Variants in GRAMD1B observed in about 807,000 individuals in gnomAD.
The protein encoded by GRAMD1B is protein Aster-B.
Under a neutral mutation model 99.7 loss-of-function variants are expected in GRAMD1B, and 37 were observed. That is an observed-to-expected ratio of 0.37 (90% CI 0.29 to 0.49). GRAMD1B has a LOEUF of 0.49. Ranked by LOEUF, GRAMD1B falls within the 20% of genes least tolerant of loss-of-function variation. The pLI is 0.98. For missense variants in GRAMD1B, 888 were observed against 1,009.2 expected, an observed-to-expected ratio of 0.88 and a Z score of 1.63; for synonymous variants, 427 against 387.6, an observed-to-expected ratio of 1.10 and a Z score of -1.19.
At chr11:123,528,664 CTG>C (rs1324191260) in intron 2 of GRAMD1B, among the ~76,000 whole-genome samples, 1 of 152,094 alleles carries the variant, frequency 6.6e-6, no homozygotes, top group Non-Finnish European at 1.5e-5. Flanking sequence ...AATTTCCGCT[CTG>C]TGTAATGCCG....
rs148302328 is a variant in GRAMD1B, at chr11:123,571,809, C to T, written c.453-5558C>T. ...CCTTTTCACCCTTGTTCATGCTGTCCGCCACCCCGAACATTCTCTTCTCTC... is the reference window on the plus strand; with the variant it reads ...CCTTTTCACCCTTGTTCATGCTGTCTGCCACCCCGAACATTCTCTTCTCTC... On this transcript the variant is annotated intron_variant, in intron 2 of 19. Transcript: ENST00000635736. Among the ~76,000 whole-genome samples the T allele has an allele frequency of 2.7e-3, 415 of 152,166 alleles. 1 individual carries two copies. Among genetic ancestry groups the T allele is most frequent in the African/African-American group, 8.1e-3 (338 of 41,522 alleles).
intron 2 of GRAMD1B, among the ~76,000 whole-genome samples, chr11:123,534,596 C>T (rs1402039764): frequency 6.6e-6 from 1 of 152,124 alleles, no homozygotes. Flanking sequence ...GGCGCAGTGG[C>T]TCATGCTTGT....
chr11:123,583,144 T>TA (rs1361662881), intron 3 of GRAMD1B, among the ~76,000 whole-genome samples: 4 of 151,798 alleles, frequency 2.6e-5, no homozygotes, highest in Non-Finnish European at 5.9e-5. Flanking sequence ...TGTGCACATG[T>TA]ATTTGTGCAT....
chr11:123,433,296 T>G (rs539161392), intron 1 of GRAMD1B, among the ~76,000 whole-genome samples: 91 of 152,238 alleles, frequency 6.0e-4, no homozygotes, highest in Middle Eastern at 3.4e-3. Context: ...GAGAATTGCT[T>G]GAACCCGGGA....
intron 2 of GRAMD1B, among the ~76,000 whole-genome samples, chr11:123,495,114 T>TACACACACACACACACACACACAC (rs10695354): frequency 6.7e-6 from 1 of 148,550 alleles, no homozygotes; most frequent in African/African-American, 2.5e-5. Flanking sequence ...TATATATACA[T>TACACACACACACACACACACACAC]ACACACACAC....
intron 8 of GRAMD1B, among the ~76,000 whole-genome samples, chr11:123,602,176 AG>A (rs1354942535): frequency 6.6e-6 from 1 of 152,186 alleles, no homozygotes; most frequent in Non-Finnish European, 1.5e-5. Context: ...GCCTAGAGTC[AG>A]GGCCCCAAAT....
In GRAMD1B at chr11:123,431,184, C is replaced by G. The variant is rs911412273; in HGVS notation, c.374+18C>G. On this transcript the variant is annotated intron_variant, in intron 1 of 19. Transcript: ENST00000635736. ...GAAAGCAGGTACGTCCCCGTTCCGC[C>G]CGTCTCCTTCCCTTCCCTCCCGTCC... The G allele has an allele frequency of 1.5e-6, 1 of 688,660 alleles. No individual in the cohort carries two copies. Among genetic ancestry groups the G allele is most frequent in the East Asian group, 2.7e-5 (1 of 37,148 alleles). The allele number at this position is 688,660 out of a possible 1,614,324, so 42.7% of individuals were successfully genotyped here.
rs1555043308 is a variant in GRAMD1B, at chr11:123,492,895, C to CACACAT, written c.452+12002_452+12003insACACAT. On this transcript the variant is annotated intron_variant, in intron 2 of 19. Coordinates refer to ENST00000635736, the MANE Select transcript of GRAMD1B (RefSeq NM_001387025.1). The surrounding 1 kb of genome is among the most constrained non-coding windows in gnomAD (Gnocchi z 4.2). ...ACACACACACACACACACACACACA[C>CACACAT]GCATAGGCATAGATGCCTGTGATTG... Among the ~76,000 whole-genome samples the CACACAT allele has an allele frequency of 5.3e-5, 8 of 151,716 alleles. No homozygotes were observed. Among genetic ancestry groups the CACACAT allele is most frequent in the Admixed American group, 1.3e-4 (2 of 15,214 alleles).
At position 123,520,406 on chromosome 11, in the gene GRAMD1B, G is replaced by A. The variant is rs1025258600; in HGVS notation, c.452+39513G>A. On this transcript the variant is annotated intron_variant, in intron 2 of 19. Coordinates refer to ENST00000635736, the MANE Select transcript of GRAMD1B (RefSeq NM_001387025.1). The stretch of plus-strand genomic sequence containing the variant: ...GCCTGTTTATAAAAACCCAAAAGGG[G>A]TTGGTATTCAGTTGTTTTCTAAATA... Among the ~76,000 whole-genome samples the A allele has an allele frequency of 2.6e-5, 4 of 152,110 alleles. No individual in the cohort carries two copies. In the East Asian group the frequency reaches 5.8e-4, roughly 22 times the overall value.
chr11:123,502,774 C>CAAAAAAAAAAAAAAAAAAAA (rs34321315), intron 2 of GRAMD1B, among the ~76,000 whole-genome samples: 1 of 98,526 alleles, frequency 1.0e-5, no homozygotes, highest in Non-Finnish European at 2.0e-5. Flanking sequence ...GACTCCATCT[C>CAAAAAAAAAAAAAAAAAAAA]AAAAAAAAAA....
At chr11:123,560,677 C>G (rs762320428) in intron 2 of GRAMD1B, 1 of 443,386 alleles carries the variant, frequency 2.3e-6, no homozygotes, top group Admixed American at 2.5e-5. Context: ...GTGCTGACGC[C>G]TGGTGCGTGT....
intron 3 of GRAMD1B, among the ~76,000 whole-genome samples, chr11:123,581,631 C>G (rs1949363603): frequency 6.6e-6 from 1 of 152,226 alleles, no homozygotes; most frequent in African/African-American, 2.4e-5. Context: ...TAAGAAGCTG[C>G]CTGGAGATTG....
rs73615880 is a variant in GRAMD1B at position 123,597,167 on chromosome 11, C to A, written c.969+1130C>A. ...TTTTTGAGATGGGGCCTCACTATAT[C>A]TCCTAGGCTGGTCTCAAACTCCTAG... is the stretch of plus-strand genomic sequence containing the variant. On this transcript the variant is annotated intron_variant, in intron 7 of 19. Coordinates refer to ENST00000635736, the MANE Select transcript of GRAMD1B (RefSeq NM_001387025.1). Among the ~76,000 whole-genome samples the A allele has an allele frequency of 3.6e-3, 504 of 141,424 alleles. 1 individual carries two copies. Among genetic ancestry groups the A allele is most frequent in the African/African-American group, 0.013 (480 of 38,018 alleles). The allele number at this position is 141,424 out of a possible 152,430, so 92.8% of individuals were successfully genotyped here.
intron 2 of GRAMD1B, among the ~76,000 whole-genome samples, chr11:123,518,598 T>C (rs530996643): frequency 6.6e-6 from 1 of 152,288 alleles, no homozygotes; most frequent in East Asian, 1.9e-4. Context: ...AATTACAACC[T>C]TATAGAGCGG....
chr11:123,370,900 G>A (rs1350792544), intron 1 of GRAMD1B, among the ~76,000 whole-genome samples: 1 of 152,094 alleles, frequency 6.6e-6, no homozygotes, highest in East Asian at 1.9e-4. Context: ...TTGGGTAGAT[G>A]TTTTGGGAAG....
chr11:123,520,798 GAAAGAA>G (rs2135423961), intron 2 of GRAMD1B, among the ~76,000 whole-genome samples: 1 of 144,122 alleles, frequency 6.9e-6, no homozygotes, highest in South Asian at 2.2e-4. Context: ...AAAAAAGAAA[GAAAGAA>G]AAAGGAAAAT....
chr11:123,521,665 C>A (rs1439782477), intron 2 of GRAMD1B, among the ~76,000 whole-genome samples: 1 of 152,236 alleles, frequency 6.6e-6, no homozygotes, highest in African/African-American at 2.4e-5. Flanking sequence ...TATTCTTCCT[C>A]CTTTGTTCAA....
At chr11:123,546,471 C>T (rs1266882003) in intron 2 of GRAMD1B, among the ~76,000 whole-genome samples, 3 of 152,182 alleles carry the variant, frequency 2.0e-5, no homozygotes, top group Non-Finnish European at 4.4e-5. Context: ...TTTCTATTCA[C>T]TACTTAGGAG....
intron 2 of GRAMD1B, among the ~76,000 whole-genome samples, chr11:123,538,122 A>G (rs2135653173): frequency 6.6e-6 from 1 of 152,248 alleles, no homozygotes; most frequent in East Asian, 1.9e-4. Flanking sequence ...GCTAAGCTTC[A>G]TGCATTTGCT....
Sources: allele counts gnomAD v4.1 joint callset (sites outside exome capture counted in the v4.1 genomes callset), GRCh38; gene constraint gnomAD v4.1.1; non-coding constraint Gnocchi (gnomAD v3.1); transcripts MANE v1.5; gene names NCBI Gene and HGNC (gene_info 2026-07-23, HGNC 2026-07-21).